NFU1: variants seen among roughly 807,000 people sequenced by gnomAD.
NFU1 encodes NFU1 iron-sulfur cluster scaffold homolog, mitochondrial.
NFU1 carries 30 observed loss-of-function variants against 32.2 expected under a neutral mutation model. That is an observed-to-expected ratio of 0.93 (90% CI 0.70 to 1.26). NFU1 has a LOEUF of 1.26. Ranked by LOEUF, NFU1 falls within the 50% of genes most tolerant of loss-of-function variation. NFU1 has a pLI of 0.00. For missense variants in NFU1, 306 were observed against 306.6 expected, an observed-to-expected ratio of 1.00 and a Z score of 0.02; for synonymous variants, 112 against 104.6, an observed-to-expected ratio of 1.07 and a Z score of -0.43.
At chr2:69,437,771 T>A, upstream of NFU1, 2 of 436,308 alleles carry the variant, frequency 4.6e-6, no homozygotes, top group Non-Finnish European at 8.6e-6. Flanking sequence ...CCTGACCCAT[T>A]CCCTCCTCTA....
At chr2:69,411,927 T>C (rs551691671) in intron 5 of NFU1, among the ~76,000 whole-genome samples, 30 of 152,198 alleles carry the variant, frequency 2.0e-4, no homozygotes, top group African/African-American at 4.1e-4. Flanking sequence ...TAAATAAATA[T>C]AAAAAAGACA....
Position 69,415,296 on chromosome 2 carries a change from T to C in NFU1, c.373A>G (p.Asn125Asp), listed in dbSNP as rs769275443. 3.6e-5 allele frequency: 56 copies of C among 1,576,026 alleles called. No individual in the cohort carries two copies. Among genetic ancestry groups the C allele is most frequent in the Non-Finnish European group, 4.6e-5 (53 of 1,146,154 alleles). The change falls in exon 5 of 8, where the codon AAT becomes GAT. Residue 125 changes from asparagine to aspartate, a missense_variant. Transcript: ENST00000410022. ...AGTAAATTCCAGTCTAATTCTTCATTTTCCTATAAACATTTAAAGGAAAAT... is the reference window on the plus strand; with the variant it reads ...AGTAAATTCCAGTCTAATTCTTCATCTTCCTATAAACATTTAAAGGAAAAT... ...GPDFITVTKE[N>D]EELDWNLLKP... is the part of the protein sequence containing the mutation.
At chr2:69,403,237 T>G (rs913133297) in intron 6 of NFU1, among the ~76,000 whole-genome samples, 3 of 152,184 alleles carry the variant, frequency 2.0e-5, no homozygotes, top group African/African-American at 7.2e-5. Context: ...TTTTTTCACA[T>G]CCAATTTGAC....
upstream of NFU1, chr2:69,437,587 T>A: frequency 1.2e-6 from 1 of 823,418 alleles, no homozygotes; most frequent in Non-Finnish European, 2.0e-6. Context: ...GTTTGCAGGC[T>A]ACTGCGTCAC....
intron 7 of NFU1, chr2:69,399,143 G>A (rs1574107067): frequency 7.9e-6 from 2 of 251,988 alleles, no homozygotes; most frequent in South Asian, 3.7e-5. Context: ...GGGAGGTGGA[G>A]GTTGCAGTGA....
chr2:69,429,514 C>CAA (rs1165037029), intron 2 of NFU1, among the ~76,000 whole-genome samples: 98 of 133,200 alleles, frequency 7.4e-4, no homozygotes, highest in African/African-American at 2.5e-3. Context: ...TGAGCCAAGA[C>CAA]AAAAAAAAAA....
chr2:69,421,562 C>CTTTTTTTTTTTT (rs763705011), intron 3 of NFU1, among the ~76,000 whole-genome samples: 2 of 70,742 alleles, frequency 2.8e-5, no homozygotes, highest in African/African-American at 5.8e-5. Context: ...ATCATTTGTG[C>CTTTTTTTTTTTT]TTTTTTTTTT....
chr2:69,407,993 A>G (rs1415024843), intron 5 of NFU1, among the ~76,000 whole-genome samples: 2 of 148,362 alleles, frequency 1.3e-5, no homozygotes, highest in Non-Finnish European at 3.0e-5. Context: ...AGCCTGGGCA[A>G]CAGAGTGAGA....
chr2:69,410,585 T>C (rs765672915), intron 5 of NFU1, among the ~76,000 whole-genome samples: 1 of 152,208 alleles, frequency 6.6e-6, no homozygotes, highest in Non-Finnish European at 1.5e-5. Context: ...GATAAGGTTA[T>C]TTTAAGAATT....
At position 69,396,171 on chromosome 2, in the gene NFU1, G is replaced by T; in HGVS notation, c.*75C>A. On this transcript the variant is annotated 3_prime_UTR_variant, in exon 8 of 8. Transcript: ENST00000410022. Reference sequence around the variant, plus strand: ...ATTTTATTAATCTTCAAGTTCCTCAGCATATTAATAATAAAAACTTGATAT... The same window carrying T: ...ATTTTATTAATCTTCAAGTTCCTCATCATATTAATAATAAAAACTTGATAT... 3 of 1,138,124 alleles carry T rather than the reference G, an allele frequency of 2.6e-6. No homozygotes were observed. Among genetic ancestry groups the T allele is most frequent in the Non-Finnish European group, 2.6e-6 (2 of 760,762 alleles). 70.5% of individuals were successfully genotyped at this position (1,138,124 alleles called of 1,614,324 possible). A position where few individuals can be genotyped will look rare whatever the true frequency, so the allele number is the denominator to read the frequency against.
At chr2:69,399,137 G>A (rs923085699) in intron 7 of NFU1, 1 of 245,612 alleles carries the variant, frequency 4.1e-6, no homozygotes, top group East Asian at 1.3e-4. Context: ...CAACCTGGGA[G>A]GTGGAGGTTG....
chr2:69,404,776 C>T (rs146620063), intron 6 of NFU1, among the ~76,000 whole-genome samples: 1,582 of 150,836 alleles, frequency 0.01, 32 homozygotes, highest in African/African-American at 0.036. Flanking sequence ...CCCACCACCA[C>T]GCCTGGCTAA....
At chr2:69,419,254 G>A (rs1422253284) in intron 4 of NFU1, among the ~76,000 whole-genome samples, 1 of 152,102 alleles carries the variant, frequency 6.6e-6, no homozygotes, top group Non-Finnish European at 1.5e-5. Context: ...TTGGACCTGG[G>A]AGGCAGAGGT....
chr2:69,408,769 TAC>T (rs1553398704), intron 5 of NFU1, among the ~76,000 whole-genome samples: 23 of 133,656 alleles, frequency 1.7e-4, no homozygotes, highest in Non-Finnish European at 3.5e-4. Flanking sequence ...TATATATATA[TAC>T]ACACACACAT....
intron 5 of NFU1, among the ~76,000 whole-genome samples, chr2:69,409,196 G>A (rs192715182): frequency 6.6e-6 from 1 of 152,028 alleles, no homozygotes; most frequent in African/African-American, 2.4e-5. Flanking sequence ...AAGTTATAAG[G>A]TTTACATATG....
chr2:69,427,371 GC>G (rs1336825807), intron 2 of NFU1, among the ~76,000 whole-genome samples: 1 of 135,784 alleles, frequency 7.4e-6, no homozygotes, highest in African/African-American at 2.8e-5. Flanking sequence ...GGCAAAAAGA[GC>G]AAAACTCCAT....
At chr2:69,404,398 A>G (rs1471574935) in intron 6 of NFU1, among the ~76,000 whole-genome samples, 2 of 149,874 alleles carry the variant, frequency 1.3e-5, no homozygotes, top group Admixed American at 6.6e-5. Flanking sequence ...AGGCTGAGGC[A>G]GGAGAATCAC....
chr2:69,425,168 G>A lies in NFU1; in HGVS notation c.167-1451C>T, dbSNP rs920921513. Among the ~76,000 whole-genome samples, 10 of 151,532 alleles carry A rather than the reference G, an allele frequency of 6.6e-5. No individual in the cohort carries two copies. In the South Asian group the frequency reaches 1.5e-3, roughly 22 times the overall value. ...GCTGGGATTACAGGTGTGAGCCACC[G>A]CGCCCAGCCAAAGGCTTTTTTTAAA... On this transcript the variant is annotated intron_variant, in intron 2 of 7. Coordinates refer to ENST00000410022, the MANE Select transcript of NFU1 (RefSeq NM_001002755.4).
intron 1 of NFU1, among the ~76,000 whole-genome samples, chr2:69,436,354 G>A (rs1030611127): frequency 2.0e-5 from 3 of 152,228 alleles, no homozygotes; most frequent in African/African-American, 7.2e-5. Context: ...TTCAAGGTTT[G>A]GGGTAAAAAT....
Sources: allele counts gnomAD v4.1 joint callset (sites outside exome capture counted in the v4.1 genomes callset), GRCh38; gene constraint gnomAD v4.1.1; transcripts MANE v1.5; gene names NCBI Gene and HGNC (gene_info 2026-07-23, HGNC 2026-07-21).